CUBN: variants seen among roughly 807,000 people sequenced by gnomAD.
CUBN encodes cubilin.
Under a neutral mutation model 405.3 loss-of-function variants are expected in CUBN, and 282 were observed. The ratio of observed to expected loss-of-function variants is 0.70; its 90% CI spans 0.63 to 0.77. The LOEUF (loss-of-function observed/expected upper bound fraction) is 0.77, where lower values mean the gene tolerates loss of function less well. Ranked by LOEUF, CUBN falls within the 30% of genes least tolerant of loss-of-function variation. The pLI is 0.00. For missense variants in CUBN, 4,514 were observed against 4,475.2 expected, an observed-to-expected ratio of 1.01 and a Z score of -0.25; for synonymous variants, 1,684 against 1,617.0, an observed-to-expected ratio of 1.04 and a Z score of -0.99.
rs146114719 is a variant in CUBN at position 16,965,941 on chromosome 10, C to A, written c.4696-11393G>T. 6.6e-3 allele frequency: 3,102 copies of A among 471,042 alleles called. 140 individuals are homozygous for A. In the Admixed American group the frequency reaches 0.07, roughly 11 times the overall value. 29.2% of individuals were successfully genotyped at this position (471,042 alleles called of 1,614,324 possible). On this transcript the variant is annotated intron_variant, in intron 31 of 66. Coordinates refer to ENST00000377833, the MANE Select transcript of CUBN (RefSeq NM_001081.4). ...TAGCAGTGCAGAGCCAATATACAAA[C>A]CCCATCTGTCTGACGTCCGACCAAG...
intron 31 of CUBN, among the ~76,000 whole-genome samples, chr10:16,977,651 A>G (rs1403221512): frequency 2.0e-5 from 3 of 152,206 alleles, no homozygotes; most frequent in Non-Finnish European, 2.9e-5. Flanking sequence ...GGGTACCAAG[A>G]GGACACTGAG....
intron 56 of CUBN, among the ~76,000 whole-genome samples, chr10:16,883,544 T>C (rs370008838): frequency 7.2e-5 from 11 of 152,072 alleles, no homozygotes; most frequent in Non-Finnish European, 1.5e-4. Context: ...TAGGAGGAAA[T>C]AAAGAAAACT....
intron 4 of CUBN, 39 bp downstream of exon 4, chr10:17,126,722 T>C (rs774809156): frequency 6.2e-7 from 1 of 1,602,486 alleles, no homozygotes; most frequent in East Asian, 2.2e-5. Flanking sequence ...TAGTATGTTT[T>C]CTGTGAAAGA....
In CUBN at chr10:16,948,550, T is replaced by A. The variant is rs1337093562; in HGVS notation, c.5137A>T (p.Thr1713Ser). 2 of 1,614,018 alleles carry A rather than the reference T, an allele frequency of 1.2e-6. No homozygotes were observed. Among genetic ancestry groups the A allele is most frequent in the Admixed American group, 3.3e-5 (2 of 60,006 alleles). The change falls in exon 35 of 67, where the codon ACG becomes TCG. Residue 1713 changes from threonine to serine, a missense_variant. This residue lies in a region of CUBN where 1,613 missense variants were observed against 1,542.8 expected (regional missense o/e 1.05). Transcript: ENST00000377833. ...HPITSFSSAL[T>S]LRFVSDSSIS... is the part of the protein sequence containing the mutation. ...CTAGAATCAGAGACGAATCTCAGCG[T>A]CAGGGCGCTGCTGAAGGATGTGATA...
intron 62 of CUBN, among the ~76,000 whole-genome samples, 196 bp from the exon 63 acceptor site, chr10:16,836,578 G>A (rs756876074): frequency 2.0e-5 from 3 of 152,244 alleles, no homozygotes; most frequent in Non-Finnish European, 4.4e-5. Flanking sequence ...AGAGGGGCAG[G>A]AGGAAGGGAG....
intron 27 of CUBN, 127 bp downstream of exon 27, chr10:17,040,906 G>A (rs1008556163): frequency 2.5e-6 from 2 of 793,906 alleles, no homozygotes; most frequent in African/African-American, 1.7e-5. Context: ...TACCATGGGT[G>A]GTTGGTGTGT....
intron 17 of CUBN, 114 bp from the exon 18 acceptor site, chr10:17,072,085 T>C: frequency 2.5e-6 from 2 of 794,852 alleles, no homozygotes; most frequent in Non-Finnish European, 4.2e-6. Flanking sequence ...ATAATCCAAT[T>C]TGAGTTACAT....
chr10:17,077,717 T>C (rs1379935548), intron 17 of CUBN, among the ~76,000 whole-genome samples: 2 of 152,062 alleles, frequency 1.3e-5, no homozygotes, highest in Non-Finnish European at 2.9e-5. Context: ...GGGAGGAGCC[T>C]TGGGCTAATC....
intron 40 of CUBN, among the ~76,000 whole-genome samples, chr10:16,928,725 T>C (rs960274021): frequency 6.6e-6 from 1 of 151,908 alleles, no homozygotes; most frequent in Non-Finnish European, 1.5e-5. Flanking sequence ...AGGCAGGGGT[T>C]TTACCATGTT....
Position 16,933,233 on chromosome 10 carries a change from G to C in CUBN, c.5978C>G (p.Ser1993Cys). 1.2e-6 allele frequency: 2 copies of C among 1,614,042 alleles called. No homozygotes were observed. The highest frequency in any genetic ancestry group is 1.7e-6 in the Non-Finnish European group (2 of 1,179,994). The change falls in exon 40 of 67, where the codon TCC becomes TGC. Residue 1993 changes from serine (S) to cysteine (C), a missense_variant. Ser to Cys is a moderately radical substitution (Grantham distance 112, BLOSUM62 -1). This residue lies in a region of CUBN where 1,613 missense variants were observed against 1,542.8 expected (regional missense o/e 1.05). Coordinates refer to ENST00000377833, the MANE Select transcript of CUBN (RefSeq NM_001081.4). ...RTGDAPVFLF[S>C]PGWPDSYSNR... ...ACTGTAACTGTCAGGCCAGCCCGGG[G>C]AGAAGAGAAACACGGGTGCATCTCC...
chr10:16,970,164 G>T (rs61841471), intron 31 of CUBN, among the ~76,000 whole-genome samples: 29,101 of 152,208 alleles, frequency 0.19, 2,893 homozygotes, highest in Non-Finnish European at 0.21. Context: ...AGTAATGAAG[G>T]AAACCCTGAC....
At chr10:16,908,483 A>T (rs1414954678) in intron 48 of CUBN, among the ~76,000 whole-genome samples, 1 of 152,194 alleles carries the variant, frequency 6.6e-6, no homozygotes, top group Non-Finnish European at 1.5e-5. Flanking sequence ...TAATTTGAAA[A>T]ATCAATCTCC....
In CUBN at chr10:16,933,461, G is replaced by A. The variant is rs138404712; in HGVS notation, c.5927-177C>T. Among the ~76,000 whole-genome samples, 6 of 152,206 alleles carry A rather than the reference G, an allele frequency of 3.9e-5. No individual in the cohort carries two copies. The East Asian group carries it at 7.7e-4, about 20-fold the overall frequency. On this transcript the variant is annotated intron_variant, in intron 39 of 66. Coordinates refer to ENST00000377833, the MANE Select transcript of CUBN (RefSeq NM_001081.4). Reference sequence around the variant, plus strand: ...ACTGATTCGGAAAGCTGCAATTTCCGCAATTGATCTTTGATGTAAAAAAAA... The same window carrying A: ...ACTGATTCGGAAAGCTGCAATTTCCACAATTGATCTTTGATGTAAAAAAAA...
intron 61 of CUBN, 68 bp downstream of exon 61, chr10:16,840,817 G>T: frequency 7.4e-7 from 1 of 1,356,756 alleles, no homozygotes; most frequent in Non-Finnish European, 1.1e-6. Context: ...ATAATAAGCA[G>T]GGCATTCTTT....
At chr10:17,013,070 G>A (rs1022099380) in intron 28 of CUBN, among the ~76,000 whole-genome samples, 3 of 152,210 alleles carry the variant, frequency 2.0e-5, no homozygotes, top group Admixed American at 6.5e-5. Context: ...GTGTTACAGA[G>A]TTACAGAGAA....
chr10:16,949,706 C>G (rs1842879678), intron 34 of CUBN, among the ~76,000 whole-genome samples: 1 of 151,920 alleles, frequency 6.6e-6, no homozygotes, highest in African/African-American at 2.4e-5. Context: ...TAGAATGCTA[C>G]CTAATGCTGG....
At position 17,085,663 on chromosome 10, in the gene CUBN, T is replaced by C. The variant is rs1396641522; in HGVS notation, c.2044A>G (p.Ile682Val). 1.2e-6 allele frequency: 2 copies of C among 1,614,120 alleles called. No homozygotes were observed. The highest frequency in any genetic ancestry group is 2.2e-5 in the East Asian group (1 of 44,874). The part of the protein sequence containing the change: ...PLQTTGPFAR[I>V]HFHSDSQISD... ...ATCTGGGAGTCTGAATGGAAGTGAA[T>C]TCTGGCAAAGGGGCCAGTAGTCTGG... Residue 682 changes from isoleucine (I) to valine (V), a missense_variant, in exon 16 of 67, where the codon ATT becomes GTT. Ile to Val is a conservative substitution (Grantham distance 29, BLOSUM62 3). This residue lies in a region of CUBN where 1,448 missense variants were observed against 1,388.0 expected (regional missense o/e 1.04). Coordinates refer to ENST00000377833, the MANE Select transcript of CUBN (RefSeq NM_001081.4).
At chr10:17,012,490 T>C (rs1834212588) in intron 28 of CUBN, among the ~76,000 whole-genome samples, 1 of 152,198 alleles carries the variant, frequency 6.6e-6, no homozygotes, top group East Asian at 1.9e-4. Flanking sequence ...AAGAGTCTAT[T>C]TGGGATTGTA....
rs750143625 is a variant in CUBN, at chr10:16,947,371, G to T, written c.5210-4C>A. ...ATGTAGAACGTTCCACCACAAGCTG[G>T]AAGAAAATAGAAATAAAGTGAGTAT... On this transcript the variant is annotated splice_region_variant and splice_polypyrimidine_tract_variant and intron_variant, in intron 35 of 66. Transcript: ENST00000377833. 8 of 1,613,892 alleles carry T rather than the reference G, an allele frequency of 5.0e-6. No individual in the cohort carries two copies. The highest frequency in any genetic ancestry group is 5.9e-6 in the Non-Finnish European group (7 of 1,179,940).
Sources: allele counts gnomAD v4.1 joint callset (sites outside exome capture counted in the v4.1 genomes callset), GRCh38; gene constraint gnomAD v4.1.1; regional missense constraint gnomAD v4.1.1; transcripts MANE v1.5; gene names NCBI Gene and HGNC (gene_info 2026-07-23, HGNC 2026-07-21).